Variants in RTF1 observed in about 807,000 individuals in gnomAD.
RTF1 encodes RTF1 homolog, Paf1/RNA polymerase II complex component.
A neutral mutation model predicts 95.7 loss-of-function variants in RTF1; 10 were observed. The ratio of observed to expected loss-of-function variants is 0.10; its 90% CI spans 0.06 to 0.18. The LOEUF (loss-of-function observed/expected upper bound fraction) is 0.18, where lower values mean the gene tolerates loss of function less well. Ranked by LOEUF, RTF1 falls within the 10% of genes least tolerant of loss-of-function variation. The pLI, the probability that RTF1 is intolerant of heterozygous loss-of-function variation, is 1.00. For missense variants in RTF1, 458 were observed against 875.6 expected, an observed-to-expected ratio of 0.52 and a Z score of 6.02; for synonymous variants, 305 against 311.8, an observed-to-expected ratio of 0.98 and a Z score of 0.23.
intron 2 of RTF1, among the ~76,000 whole-genome samples, chr15:41,450,444 G>T (rs938270946): frequency 7.9e-5 from 12 of 152,142 alleles, no homozygotes; most frequent in Non-Finnish European, 1.5e-4. Flanking sequence ...AATTAGCCGG[G>T]CGTGGTGGCA....
chr15:41,440,036 C>T (rs2050724591), intron 2 of RTF1, among the ~76,000 whole-genome samples: 1 of 149,710 alleles, frequency 6.7e-6, no homozygotes, highest in Non-Finnish European at 1.5e-5. Flanking sequence ...ATTTCTTACC[C>T]TACAGCCTAG....
intron 2 of RTF1, chr15:41,440,467 G>C (rs1321298520): frequency 6.6e-6 from 1 of 151,872 alleles, no homozygotes. Flanking sequence ...GGGATTATAG[G>C]CGTGAGCCAC....
At chr15:41,470,769 T>C (rs1009680499) in intron 7 of RTF1, among the ~76,000 whole-genome samples, 2 of 150,138 alleles carry the variant, frequency 1.3e-5, no homozygotes, top group East Asian at 2.0e-4. Flanking sequence ...CGCCATTCTC[T>C]TGCCTCAGCC....
chr15:41,478,988 T>A (rs1230498142), intron 15 of RTF1, 115 bp from the exon 16 acceptor site: 13 of 664,292 alleles, frequency 2.0e-5, no homozygotes, highest in Non-Finnish European at 3.4e-5. Context: ...CCCCACTAGC[T>A]GCTGATGGGT....
intron 4 of RTF1, among the ~76,000 whole-genome samples, chr15:41,460,861 A>G (rs2050844233): frequency 6.7e-6 from 1 of 149,986 alleles, no homozygotes; most frequent in African/African-American, 2.5e-5. Context: ...TGCCTGGCTA[A>G]TATTTTTTCT....
chr15:41,480,183 CT>C, intron 16 of RTF1, 30 bp from the exon 17 acceptor site: 1 of 1,393,992 alleles, frequency 7.2e-7, no homozygotes, highest in Non-Finnish European at 1.0e-6. Context: ...CATTTATGCT[CT>C]TACCATTAGC....
In RTF1 at chr15:41,483,455, T is replaced by G. The variant is rs775294690; in HGVS notation, c.*2768T>G. 3 of 152,420 alleles carry G rather than the reference T, an allele frequency of 2.0e-5. No homozygotes were observed. The highest frequency in any genetic ancestry group is 6.6e-5 in the Admixed American group (1 of 15,250). 9.4% of individuals were successfully genotyped at this position (152,420 alleles called of 1,614,324 possible). A position where few individuals can be genotyped will look rare whatever the true frequency, so the allele number is the denominator to read the frequency against. ...TCTGGCAGGTGTAGGGAAAGTCTACTGCCTGCCACTCCCTTCAAAAAGAAT... is the reference window on the plus strand; with the variant it reads ...TCTGGCAGGTGTAGGGAAAGTCTACGGCCTGCCACTCCCTTCAAAAAGAAT... On this transcript the variant is annotated 3_prime_UTR_variant, in exon 18 of 18. Coordinates refer to ENST00000389629, the MANE Select transcript of RTF1 (RefSeq NM_015138.5).
chr15:41,471,111 T>G, intron 7 of RTF1, 61 bp from the exon 8 acceptor site: 1 of 1,477,900 alleles, frequency 6.8e-7, no homozygotes. Flanking sequence ...TGATATTATT[T>G]TTCTGTCTTG....
In RTF1 at chr15:41,483,281, C is replaced by G. The variant is rs1339654379; in HGVS notation, c.*2594C>G. 6.6e-6 allele frequency: 1 copy of G among 152,586 alleles called. No homozygotes were observed. Among genetic ancestry groups the G allele is most frequent in the Non-Finnish European group, 1.5e-5 (1 of 68,040 alleles). 9.5% of individuals were successfully genotyped at this position (152,586 alleles called of 1,614,324 possible). On this transcript the variant is annotated 3_prime_UTR_variant, in exon 18 of 18. Transcript: ENST00000389629. Reference sequence around the variant, plus strand: ...GCTGGGGAATTCCCTCATTGGGCCCCTCCTCCCTCCACAGTGTGGTTTCAG... The same window carrying G: ...GCTGGGGAATTCCCTCATTGGGCCCGTCCTCCCTCCACAGTGTGGTTTCAG...
chr15:41,427,896 C>T (rs188019750), intron 1 of RTF1, among the ~76,000 whole-genome samples: 85 of 151,986 alleles, frequency 5.6e-4, no homozygotes, highest in Non-Finnish European at 9.3e-4. Flanking sequence ...AAGTGATTCT[C>T]CTGTCTTAGC....
rs2050988626 is a variant in RTF1 at position 41,483,384 on chromosome 15, A to G, written c.*2697A>G. 1 of 152,652 alleles carries G rather than the reference A, an allele frequency of 6.6e-6. No individual in the cohort carries two copies. The highest frequency in any genetic ancestry group is 2.4e-5 in the African/African-American group (1 of 41,456). 9.5% of individuals were successfully genotyped at this position (152,652 alleles called of 1,614,324 possible). A position where few individuals can be genotyped will look rare whatever the true frequency, so the allele number is the denominator to read the frequency against. ...CCAAGAAGCAAAAAGGCCAGTGTCC[A>G]TCTGCCTAGTTCATAATGTTTATAG... On this transcript the variant is annotated 3_prime_UTR_variant, in exon 18 of 18. Coordinates refer to ENST00000389629, the MANE Select transcript of RTF1 (RefSeq NM_015138.5).
intron 4 of RTF1, among the ~76,000 whole-genome samples, chr15:41,463,425 A>G (rs1489140150): frequency 6.6e-6 from 1 of 152,202 alleles, no homozygotes; most frequent in East Asian, 1.9e-4. Flanking sequence ...CCCATCGGCA[A>G]TAAGTGTACT....
chr15:41,427,320 T>A (rs1303313694), intron 1 of RTF1, among the ~76,000 whole-genome samples: 1 of 149,204 alleles, frequency 6.7e-6, no homozygotes, highest in Non-Finnish European at 1.5e-5. Context: ...CCCGGCTAAT[T>A]TTTTGTATTT....
rs188430755 is a variant in RTF1 at position 41,468,525 on chromosome 15, G to A, written c.890-1732G>A. The stretch of plus-strand genomic sequence containing the variant: ...GTAGAGAAGGGGTTTCACCATGTTA[G>A]CCAGGATGGTCTTGATCTCCTGACC... On this transcript the variant is annotated intron_variant, in intron 6 of 17. Transcript: ENST00000389629. Among the ~76,000 whole-genome samples the A allele has an allele frequency of 7.9e-5, 12 of 152,138 alleles. No homozygotes were observed. The East Asian group carries it at 2.1e-3, about 27-fold the overall frequency.
In RTF1 at chr15:41,434,874, G is replaced by T. The variant is rs187350937; in HGVS notation, c.199-3447G>T. On this transcript the variant is annotated intron_variant, in intron 1 of 17. Coordinates refer to ENST00000389629, the MANE Select transcript of RTF1 (RefSeq NM_015138.5). ...GAACTCCTGACCTCGTGATCTGCCC[G>T]CCTTGGCCTCCCAAAGTTCTGGGAT... is the stretch of plus-strand genomic sequence containing the variant. Among the ~76,000 whole-genome samples, 707 of 151,806 alleles carry T rather than the reference G, an allele frequency of 4.7e-3. 2 individuals are homozygous for T. The highest frequency in any genetic ancestry group is 8.2e-3 in the Non-Finnish European group (555 of 67,928).
At chr15:41,447,177 G>T (rs1310431442) in intron 2 of RTF1, among the ~76,000 whole-genome samples, 1 of 152,190 alleles carries the variant, frequency 6.6e-6, no homozygotes, top group African/African-American at 2.4e-5. Context: ...GAGTCACTGG[G>T]TTGGAATGGT....
intron 15 of RTF1, 87 bp downstream of exon 15, chr15:41,478,712 AAAT>A: frequency 1.7e-6 from 2 of 1,175,104 alleles, no homozygotes; most frequent in South Asian, 1.3e-5. Context: ...ATGAAGTTAA[AAAT>A]AATGTTTTCT....
chr15:41,419,157 A>T (rs2050587776), intron 1 of RTF1, among the ~76,000 whole-genome samples: 1 of 152,218 alleles, frequency 6.6e-6, no homozygotes, highest in African/African-American at 2.4e-5. Context: ...CGACTGTAAA[A>T]GTTTGATTGG....
At position 41,479,173 on chromosome 15, in the gene RTF1, C is replaced by T; in HGVS notation, c.1889C>T (p.Pro630Leu). 1 of 1,613,602 alleles carries T rather than the reference C, an allele frequency of 6.2e-7. No homozygotes were observed. Among genetic ancestry groups the T allele is most frequent in the Non-Finnish European group, 8.5e-7 (1 of 1,179,628 alleles). ...GCAAAATACGGTTCTGGAGTGTTAC[C>T]AGATGCTCCAAAGGAAATGAGCAAG... is the stretch of plus-strand genomic sequence containing the variant. Reference protein sequence around the residue: ...LNAKYGSGVLPDAPKEMSKGQ... With the variant: ...LNAKYGSGVLLDAPKEMSKGQ... The change falls in exon 16 of 18, where the codon CCA (proline) becomes CTA (leucine). Residue 630 changes from proline to leucine, a missense_variant. Pro to Leu is a moderately conservative substitution (Grantham distance 98). Transcript: ENST00000389629.
Sources: allele counts gnomAD v4.1 joint callset (sites outside exome capture counted in the v4.1 genomes callset), GRCh38; gene constraint gnomAD v4.1.1; transcripts MANE v1.5; gene names NCBI Gene and HGNC (gene_info 2026-07-23, HGNC 2026-07-21).